The following CEP250 variants were observed in gnomAD, a reference collection of about 807,000 sequenced individuals.
CEP250 encodes the protein centrosomal protein 250.
In CEP250, 242 loss-of-function variants were observed where a neutral mutation model predicts 315.7. That is an observed-to-expected ratio of 0.77 (90% CI 0.69 to 0.85). The LOEUF is 0.85. Ranked by LOEUF, CEP250 falls within the 40% of genes least tolerant of loss-of-function variation. CEP250 has a pLI of 0.00. For missense variants in CEP250, 2,515 were observed against 2,886.4 expected (o/e 0.87, Z 2.95); for synonymous variants, 1,088 against 1,175.0 (o/e 0.93, Z 1.51).
intron 15 of CEP250, 109 bp downstream of exon 15, chr20:35,475,755 A>C: frequency 1.7e-6 from 2 of 1,206,854 alleles, no homozygotes; most frequent in Non-Finnish European, 2.4e-6. Context: ...TCTTTCCTCA[A>C]TCATTAGTCT....
At chr20:35,456,847 C>T (rs968872726) in intron 1 of CEP250, among the ~76,000 whole-genome samples, 3 of 148,848 alleles carry the variant, frequency 2.0e-5, no homozygotes, top group African/African-American at 7.5e-5. Context: ...GTGGTGCGAT[C>T]TGGGTTCACT....
At chr20:35,465,075 G>A (rs1017696954) in intron 5 of CEP250, among the ~76,000 whole-genome samples, 9 of 152,132 alleles carry the variant, frequency 5.9e-5, no homozygotes, top group African/African-American at 2.2e-4. Flanking sequence ...TGAAGGGAAC[G>A]ATATACCGCT....
At chr20:35,490,048 C>A (rs2063640180) in intron 20 of CEP250, among the ~76,000 whole-genome samples, 1 of 152,062 alleles carries the variant, frequency 6.6e-6, no homozygotes, top group South Asian at 2.1e-4. Context: ...CACAGTGGCT[C>A]ATGCCTATAA....
chr20:35,464,000 C>T (rs991409304), intron 5 of CEP250, among the ~76,000 whole-genome samples: 1 of 152,154 alleles, frequency 6.6e-6, no homozygotes, highest in African/African-American at 2.4e-5. Context: ...CTTTGAAAAA[C>T]CCATTTATTT....
intron 34 of CEP250, 54 bp from the exon 35 acceptor site, chr20:35,511,309 C>A: frequency 6.8e-7 from 1 of 1,472,082 alleles, no homozygotes; most frequent in Non-Finnish European, 9.2e-7. Flanking sequence ...AGAGCTGGGA[C>A]AACTTCAGGG....
At position 35,508,912 on chromosome 20, in the gene CEP250, G is replaced by A. The variant is rs989748208; in HGVS notation, c.6907-31G>A. ...TCTGCTCCAACCACAGAGCCAAGCCGAGCCCTGATTTCTTATTTGCACCTT... is the reference window on the plus strand; with the variant it reads ...TCTGCTCCAACCACAGAGCCAAGCCAAGCCCTGATTTCTTATTTGCACCTT... On this transcript the variant is annotated intron_variant, in intron 32 of 34. Transcript: ENST00000397527. 6.5e-6 allele frequency: 10 copies of A among 1,533,854 alleles called. No homozygotes were observed. The South Asian group carries it at 1.2e-4, about 18-fold the overall frequency.
chr20:35,490,813 C>T lies in CEP250; in HGVS notation c.2754+9C>T. The T allele has an allele frequency of 6.2e-7, 1 of 1,611,398 alleles. No individual in the cohort carries two copies. ...AGAGTGCCCTATGCCAGGTGGGAAG[C>T]TAGGAGGATTGGAGCTGCACGTCCA... On this transcript the variant is annotated intron_variant, in intron 21 of 34. Transcript: ENST00000397527.
rs1227078211 is a variant in CEP250 at position 35,513,714 on chromosome 20, T to C, written c.*2088T>C. 6.6e-6 allele frequency: 1 copy of C among 152,236 alleles called. No homozygotes were observed. Among genetic ancestry groups the C allele is most frequent in the Non-Finnish European group, 1.5e-5 (1 of 68,042 alleles). 9.4% of individuals were successfully genotyped at this position (152,236 alleles called of 1,614,324 possible). On this transcript the variant is annotated 3_prime_UTR_variant, in exon 35 of 35. Transcript: ENST00000397527. ...TCTCAGCATCATTTTCTGTAGGTCA[T>C]GAGCCAGGGCCTTAGGCCCCACATA...
In CEP250 at chr20:35,462,421, G is replaced by A. The variant is rs1420816999; in HGVS notation, c.54G>A (p.Leu18=). ...ACATGAAGCCCCAGTCACTGCAGCT[G>A]GTACTGGAAGAGCAGGTGCTGGCAC... ...LNNMKPQSLQ[L]VLEEQVLALQ... Residue 18 remains leucine, a synonymous_variant, in exon 4 of 35, where the codon CTG becomes CTA. Coordinates refer to ENST00000397527, the MANE Select transcript of CEP250 (RefSeq NM_007186.6). 6.2e-7 allele frequency: 1 copy of A among 1,601,612 alleles called. No individual in the cohort carries two copies. The highest frequency in any genetic ancestry group is 2.3e-5 in the East Asian group (1 of 44,330).
In CEP250 at chr20:35,503,808, C is replaced by T; in HGVS notation, c.5439C>T (p.Ala1813=). The part of the protein sequence containing the change: ...SQLDEAQRAL[A]QRDQELEALQ... ...TGGATGAGGCCCAGAGAGCCCTAGC[C>T]CAGAGGGACCAGGAACTGGAGGCTC... The change falls in exon 30 of 35, where the codon GCC becomes GCT. Residue 1813 remains alanine (A), a synonymous_variant. Coordinates refer to ENST00000397527, the MANE Select transcript of CEP250 (RefSeq NM_007186.6). The surrounding 1 kb of genome is among the most constrained non-coding windows in gnomAD (Gnocchi z 4.2). 1 of 1,613,792 alleles carries T rather than the reference C, an allele frequency of 6.2e-7. No homozygotes were observed. The highest frequency in any genetic ancestry group is 8.5e-7 in the Non-Finnish European group (1 of 1,179,968).
intron 14 of CEP250, chr20:35,474,885 T>G (rs224363): frequency 4.3e-6 from 2 of 470,362 alleles, no homozygotes; most frequent in African/African-American, 4.0e-5. Context: ...CAGGGATATA[T>G]CTTCATCTTT....
chr20:35,483,613 T>C (rs2063420967), intron 20 of CEP250, among the ~76,000 whole-genome samples: 1 of 151,868 alleles, frequency 6.6e-6, no homozygotes, highest in Non-Finnish European at 1.5e-5. Context: ...CAAGCTGTCC[T>C]CTTGCCTCAG....
chr20:35,496,892 G>T (rs2063852252), intron 25 of CEP250, among the ~76,000 whole-genome samples, 177 bp downstream of exon 25: 1 of 152,188 alleles, frequency 6.6e-6, no homozygotes, highest in South Asian at 2.1e-4. Context: ...GACAAGGCGG[G>T]GGCTTGGGAA....
intron 20 of CEP250, among the ~76,000 whole-genome samples, chr20:35,482,388 G>A (rs2063374429): frequency 1.3e-5 from 2 of 151,700 alleles, no homozygotes; most frequent in Non-Finnish European, 2.9e-5. Context: ...TCACCACCAT[G>A]CCCGGCTAAT....
chr20:35,469,696 T>C, intron 9 of CEP250, 194 bp from the exon 10 acceptor site: 1 of 436,842 alleles, frequency 2.3e-6, no homozygotes, highest in African/African-American at 2.0e-5. Flanking sequence ...GAGTGGTTTT[T>C]TGCTTCCCCA....
Position 35,494,597 on chromosome 20 carries a change from A to T in CEP250, c.3107A>T (p.Lys1036Met), listed in dbSNP as rs954845858. The T allele has an allele frequency of 1.2e-6, 2 of 1,614,036 alleles. No homozygotes were observed. The highest frequency in any genetic ancestry group is 1.7e-5 in the Admixed American group (1 of 60,000). Residue 1036 changes from lysine to methionine, a missense_variant, in exon 24 of 35, where the codon AAG becomes ATG. Lys to Met is a moderately conservative substitution (Grantham distance 95, BLOSUM62 -1). Transcript: ENST00000397527. Reference sequence around the variant, plus strand: ...CTGGTGGAGCAGGAGGTTCAGGAGAAGCTGAGAGAGACCCAGGAGTATAAC... The same window carrying T: ...CTGGTGGAGCAGGAGGTTCAGGAGATGCTGAGAGAGACCCAGGAGTATAAC... ...QRLVEQEVQE[K>M]LRETQEYNRI...
intron 16 of CEP250, among the ~76,000 whole-genome samples, chr20:35,477,208 C>T (rs1032434736): frequency 2.0e-5 from 3 of 151,998 alleles, no homozygotes; most frequent in African/African-American, 4.8e-5. Flanking sequence ...CAGGGTTTTA[C>T]AATGTTGGTC....
In CEP250 at chr20:35,465,726, GTC is replaced by G. The variant is rs779501922; in HGVS notation, c.244-13_244-12del. The G allele has an allele frequency of 4.2e-5, 66 of 1,571,038 alleles. No individual in the cohort carries two copies. The highest frequency in any genetic ancestry group is 5.5e-5 in the Non-Finnish European group (64 of 1,159,320). ...TTCTCTTTGGAGGTAAGTAAGGCTT[GTC>G]TCTGTCTGGCGCAGGGACCAATCCC... On this transcript the variant is annotated splice_polypyrimidine_tract_variant and intron_variant, in intron 5 of 34. Coordinates refer to ENST00000397527, the MANE Select transcript of CEP250 (RefSeq NM_007186.6).
In CEP250 at chr20:35,502,806, T is replaced by A. The variant is rs2147152254; in HGVS notation, c.4437T>A (p.Ile1479=). The change falls in exon 30 of 35, where the codon ATT becomes ATA. Residue 1479 remains isoleucine (I), a synonymous_variant. Transcript: ENST00000397527. ...AGGTAGATCTGCAGCAAGAACAGAT[T>A]CAGGAGCTAGAGAAGTGTAGGTCTG... The part of the protein sequence containing the change: ...NQEVDLQQEQ[I]QELEKCRSVL... 1.2e-6 allele frequency: 2 copies of A among 1,614,146 alleles called. No homozygotes were observed. The highest frequency in any genetic ancestry group is 3.3e-5 in the Admixed American group (2 of 60,022).
Sources: allele counts gnomAD v4.1 joint callset (sites outside exome capture counted in the v4.1 genomes callset), GRCh38; gene constraint gnomAD v4.1.1; non-coding constraint Gnocchi (gnomAD v3.1); transcripts MANE v1.5; gene names NCBI Gene and HGNC (gene_info 2026-07-23, HGNC 2026-07-21).